EML1: variants seen among roughly 807,000 people sequenced by gnomAD.
EML1 encodes the protein echinoderm microtubule-associated protein-like 1.
EML1 carries 27 observed loss-of-function variants against 110.4 expected under a neutral mutation model. The observed-to-expected ratio is 0.24, with a 90% confidence interval of 0.18 to 0.34. The LOEUF (loss-of-function observed/expected upper bound fraction) is 0.34. Among genes scored for constraint, EML1 ranks in the 10% least tolerant of loss-of-function variants. The probability of loss-of-function intolerance (pLI) is 1.00; values close to 1 mark genes in which losing one functional copy is unlikely to be tolerated. For missense variants in EML1, 741 were observed against 1,030.9 expected (o/e 0.72, Z 3.85); for synonymous variants, 344 against 385.8 (o/e 0.89, Z 1.27).
chr14:99,790,778 C>T (rs184376621), upstream of EML1, among the ~76,000 whole-genome samples: 332 of 152,220 alleles, frequency 2.2e-3, 1 homozygote, highest in Admixed American at 3.3e-3. Context: ...GCCAGGCGGG[C>T]GCAAGAGGAC....
At chr14:99,878,372 T>G in intron 3 of EML1, 113 bp from the exon 4 acceptor site, 1 of 1,456,794 alleles carries the variant, frequency 6.9e-7, no homozygotes, top group East Asian at 2.3e-5. Flanking sequence ...GCTAGGCCTG[T>G]CTTTTGAATA....
chr14:99,855,496 C>T (rs551809630), intron 2 of EML1, among the ~76,000 whole-genome samples: 14 of 152,266 alleles, frequency 9.2e-5, no homozygotes, highest in Non-Finnish European at 1.3e-4. Context: ...TATACACACA[C>T]AGCTGATTTT....
At chr14:99,865,186 C>T (rs2139882549) in intron 2 of EML1, among the ~76,000 whole-genome samples, 1 of 152,282 alleles carries the variant, frequency 6.6e-6, no homozygotes, top group Middle Eastern at 3.4e-3. Flanking sequence ...CAGATAGTCC[C>T]ATCTAGGGTT....
At position 99,911,473 on chromosome 14, in the gene EML1, T is replaced by G. The variant is rs2059945363; in HGVS notation, c.1391T>G (p.Phe464Cys). The change falls in exon 13 of 22, where the codon TTT becomes TGT. Residue 464 changes from phenylalanine (F) to cysteine (C), a missense_variant. Phe to Cys is a radical substitution (Grantham distance 205). Around this residue, in one of 4 missense-constraint regions of EML1, gnomAD observed 388 missense variants for 605.6 expected, o/e 0.64. Transcript: ENST00000262233. ...CAGGGGGCCCATGAGGGTGGCATTT[T>G]TGCACTTTGTATGTTAAGAGATGGC... ...AVQGAHEGGI[F>C]ALCMLRDGTL... The G allele has an allele frequency of 6.2e-7, 1 of 1,612,312 alleles. No homozygotes were observed. Among genetic ancestry groups the G allele is most frequent in the Non-Finnish European group, 8.5e-7 (1 of 1,179,792 alleles).
intron 1 of EML1, among the ~76,000 whole-genome samples, chr14:99,846,281 ATTTT>A (rs1251744096): frequency 1.8e-5 from 2 of 109,996 alleles, no homozygotes; most frequent in African/African-American, 3.5e-5. Context: ...CCAGCTGGTG[ATTTT>A]TTTTTTTTTT....
intron 1 of EML1, chr14:99,838,982 A>C (rs1666066570): frequency 6.6e-6 from 1 of 151,572 alleles, no homozygotes; most frequent in Non-Finnish European, 1.5e-5. Context: ...AAAGATTTCA[A>C]AGTCTCCAGG....
intron 2 of EML1, among the ~76,000 whole-genome samples, chr14:99,852,565 C>T (rs1342997293): frequency 6.6e-6 from 1 of 152,188 alleles, no homozygotes; most frequent in Non-Finnish European, 1.5e-5. Flanking sequence ...CAGAGAGCAC[C>T]ACTGCACTCC....
At chr14:99,875,796 A>G (rs138379876) in intron 3 of EML1, among the ~76,000 whole-genome samples, 1 of 152,312 alleles carries the variant, frequency 6.6e-6, no homozygotes, top group East Asian at 1.9e-4. Flanking sequence ...GGCTCCTATA[A>G]TTTTTAGACT....
rs565301745 is a variant in EML1 at position 99,936,818 on chromosome 14, G to C, written c.2095+484G>C. 6.6e-6 allele frequency among the ~76,000 whole-genome samples: 1 copy of C among 152,182 alleles called. No homozygotes were observed. Among genetic ancestry groups the C allele is most frequent in the African/African-American group, 2.4e-5 (1 of 41,444 alleles). ...TGGCCAGTCTCTGGGCCCAGGCAGT[G>C]CTTGGGAACAGCGAGGATGATCGTG... On this transcript the variant is annotated intron_variant, in intron 19 of 21. Transcript: ENST00000262233. The surrounding 1 kb of genome is among the most constrained non-coding windows in gnomAD (Gnocchi z 5.5).
Position 99,910,390 on chromosome 14 carries a change from G to A in EML1, c.1339+49G>A, listed in dbSNP as rs768847755. 7.3e-5 allele frequency: 105 copies of A among 1,431,274 alleles called. 1 individual carries two copies. In the South Asian group the frequency reaches 1.2e-3, roughly 17 times the overall value. The allele number at this position is 1,431,274 out of a possible 1,614,324, so 88.7% of individuals were successfully genotyped here. A position where few individuals can be genotyped will look rare whatever the true frequency, so the allele number is the denominator to read the frequency against. Reference sequence around the variant, plus strand: ...CCAATGGTTTTTGGTAATGTTGTAAGAGATCAAACATGAGTGCTTTAAGAA... The same window carrying A: ...CCAATGGTTTTTGGTAATGTTGTAAAAGATCAAACATGAGTGCTTTAAGAA... On this transcript the variant is annotated intron_variant, in intron 12 of 21. Coordinates refer to ENST00000262233, the MANE Select transcript of EML1 (RefSeq NM_004434.3).
chr14:99,744,057 C>T (rs911574792), intron 1 of EML1, among the ~76,000 whole-genome samples: 2 of 152,052 alleles, frequency 1.3e-5, no homozygotes, highest in African/African-American at 2.4e-5. Context: ...CCATAGACAC[C>T]CATTTCAAAT....
intron 1 of EML1, among the ~76,000 whole-genome samples, chr14:99,814,371 G>A (rs2058131870): frequency 6.6e-6 from 1 of 152,030 alleles, no homozygotes; most frequent in Non-Finnish European, 1.5e-5. Context: ...GAACTCCTGG[G>A]CTCAAGCAAT....
At chr14:99,771,820 C>T (rs1428576305), upstream of EML1, among the ~76,000 whole-genome samples, 2 of 151,426 alleles carry the variant, frequency 1.3e-5, no homozygotes, top group Non-Finnish European at 3.0e-5. Context: ...TCAAAACTAA[C>T]AAATAAAAAC....
intron 8 of EML1, 40 bp downstream of exon 8, chr14:99,898,342 G>A (rs1595451900): frequency 1.9e-6 from 3 of 1,564,262 alleles, no homozygotes. Context: ...TAATGAACTG[G>A]TAACACAAAG....
At chr14:99,876,881 A>G (rs1056797365) in intron 3 of EML1, among the ~76,000 whole-genome samples, 1 of 152,220 alleles carries the variant, frequency 6.6e-6, no homozygotes. Context: ...CATTTAATAA[A>G]TGTGTACCAA....
intron 4 of EML1, among the ~76,000 whole-genome samples, chr14:99,887,073 CT>C (rs1202931944): frequency 6.6e-6 from 1 of 152,236 alleles, no homozygotes; most frequent in African/African-American, 2.4e-5. Context: ...TGTTGGTTGA[CT>C]GCACTGCTGT....
In EML1 at chr14:99,802,629, AG is replaced by A. The variant is rs2057902174; in HGVS notation, c.67+9091del. On this transcript the variant is annotated intron_variant, in intron 1 of 21. Coordinates refer to ENST00000262233, the MANE Select transcript of EML1 (RefSeq NM_004434.3). ...GCAACTGGAGATGGCAGGACAGGCCAGGGGGCCTGTGCAGAGATGGCAGTCC... is the reference window on the plus strand; with the variant it reads ...GCAACTGGAGATGGCAGGACAGGCCAGGGGCCTGTGCAGAGATGGCAGTCC... Among the ~76,000 whole-genome samples, 3 of 152,212 alleles carry A rather than the reference AG, an allele frequency of 2.0e-5. No individual in the cohort carries two copies. In the East Asian group the frequency reaches 5.8e-4, roughly 29 times the overall value.
chr14:99,755,584 G>T (rs1286725559), intron 1 of EML1, among the ~76,000 whole-genome samples: 1 of 152,192 alleles, frequency 6.6e-6, no homozygotes, highest in African/African-American at 2.4e-5. Context: ...AGCTAAAGAT[G>T]TTGGTTCCTG....
intron 1 of EML1, among the ~76,000 whole-genome samples, chr14:99,742,945 C>T (rs114822215): frequency 0.012 from 1,754 of 152,262 alleles, 38 homozygotes; most frequent in African/African-American, 0.04. Context: ...GTGCCGGGCA[C>T]CTGTGATATT....
Sources: gnomAD v4.1 joint callset for allele counts (sites outside exome capture counted in the v4.1 genomes callset) on GRCh38, gnomAD v4.1.1 for gene constraint, gnomAD v4.1.1 regional missense constraint, Gnocchi (gnomAD v3.1) non-coding constraint, MANE v1.5 for transcripts, NCBI Gene and HGNC (gene_info 2026-07-23, HGNC 2026-07-21) for gene names.